GAB2: variants seen among roughly 807,000 people sequenced by gnomAD.
GAB2 encodes the protein GRB2-associated-binding protein 2.
In GAB2, 26 loss-of-function variants were observed where a neutral mutation model predicts 65.5. The observed-to-expected ratio is 0.40, with a 90% confidence interval of 0.29 to 0.55. The LOEUF (loss-of-function observed/expected upper bound fraction) is 0.55. Among genes scored for constraint, GAB2 ranks in the 20% least tolerant of loss-of-function variants. The probability of loss-of-function intolerance (pLI) is 0.53; values close to 1 mark genes in which losing one functional copy is unlikely to be tolerated. For synonymous variants in GAB2, 321 were observed against 329.6 expected (o/e 0.97, Z 0.28); for missense variants, 884 against 875.8 (o/e 1.01, Z -0.12).
chr11:78,253,098 C>T (rs749335382), intron 2 of GAB2, among the ~76,000 whole-genome samples: 21 of 145,282 alleles, frequency 1.4e-4, no homozygotes, highest in Non-Finnish European at 2.7e-4. Flanking sequence ...ACAACCTCTG[C>T]TTCCTGGGTT....
chr11:78,324,218 T>C (rs1855783004), intron 1 of GAB2, among the ~76,000 whole-genome samples: 2 of 152,308 alleles, frequency 1.3e-5, no homozygotes, highest in African/African-American at 2.4e-5. Context: ...GTATATCATA[T>C]TCTGGCTGAT....
At chr11:78,353,158 G>A (rs1342925159) in intron 1 of GAB2, among the ~76,000 whole-genome samples, 5 of 152,070 alleles carry the variant, frequency 3.3e-5, no homozygotes, top group Non-Finnish European at 7.4e-5. Flanking sequence ...CTGGGAATGG[G>A]AGCCAGGAGT....
chr11:78,404,999 A>G (rs546326377), intron 1 of GAB2, among the ~76,000 whole-genome samples: 2 of 152,292 alleles, frequency 1.3e-5, no homozygotes, highest in African/African-American at 4.8e-5. Flanking sequence ...ACATCTCCAT[A>G]AATATTTACA....
At chr11:78,225,283 C>T in intron 4 of GAB2, 81 bp from the exon 5 acceptor site, 1 of 879,482 alleles carries the variant, frequency 1.1e-6, no homozygotes, top group East Asian at 2.4e-5. Context: ...CAGTGTGGTT[C>T]AAGGTCTTAC....
intron 1 of GAB2, among the ~76,000 whole-genome samples, chr11:78,411,032 C>T (rs868859613): frequency 4.6e-5 from 7 of 151,766 alleles, no homozygotes; most frequent in Admixed American, 2.6e-4. Context: ...ACGCAGCTGT[C>T]GTCCCAATTA....
chr11:78,222,397 T>G (rs1316464382), intron 6 of GAB2, among the ~76,000 whole-genome samples: 1 of 152,084 alleles, frequency 6.6e-6, no homozygotes, highest in African/African-American at 2.4e-5. Flanking sequence ...TTCCAAATTA[T>G]ATATTCTTTC....
chr11:78,307,220 A>T (rs1855382066), intron 1 of GAB2, among the ~76,000 whole-genome samples: 2 of 152,068 alleles, frequency 1.3e-5, no homozygotes, highest in African/African-American at 4.8e-5. Flanking sequence ...AACCTCTACA[A>T]CCTCATGTGC....
chr11:78,417,602 G>T, intron 1 of GAB2, 44 bp downstream of exon 1: 1 of 1,054,100 alleles, frequency 9.5e-7, no homozygotes. Flanking sequence ...CGCAGGCCCC[G>T]GAGCGCCCCC....
chr11:78,219,548 C>T lies in GAB2; in HGVS notation c.1888-133G>A, dbSNP rs1864313998. 6.6e-6 allele frequency: 5 copies of T among 757,730 alleles called. 1 individual carries two copies. The South Asian group carries it at 8.5e-5, about 13-fold the overall frequency. 46.9% of individuals were successfully genotyped at this position (757,730 alleles called of 1,614,324 possible). On this transcript the variant is annotated intron_variant, in intron 9 of 9. Coordinates refer to ENST00000361507, the MANE Select transcript of GAB2 (RefSeq NM_080491.3). ...ATGGCCTCTGCCTGCCACTGACCAG[C>T]CTCAGGAGCCTGGCTTCTCTTTCTG...
At chr11:78,253,244 T>G (rs56003293) in intron 2 of GAB2, among the ~76,000 whole-genome samples, 13,982 of 152,122 alleles carry the variant, frequency 0.092, 869 homozygotes, top group Middle Eastern at 0.16. Context: ...CACCACTGCC[T>G]CAGCCTCTCA....
chr11:78,285,933 A>G (rs1159014550), intron 1 of GAB2, among the ~76,000 whole-genome samples: 2 of 152,230 alleles, frequency 1.3e-5, no homozygotes, highest in Non-Finnish European at 2.9e-5. Context: ...AGTTTTTACA[A>G]CAATCATGAG....
intron 1 of GAB2, among the ~76,000 whole-genome samples, chr11:78,408,561 A>G (rs1346612961): frequency 6.6e-6 from 1 of 152,244 alleles, no homozygotes; most frequent in Non-Finnish European, 1.5e-5. Context: ...GTAAATTTAA[A>G]TATACCAATT....
At chr11:78,260,992 T>C (rs928149476) in intron 2 of GAB2, among the ~76,000 whole-genome samples, 1 of 152,130 alleles carries the variant, frequency 6.6e-6, no homozygotes, top group Non-Finnish European at 1.5e-5. Flanking sequence ...GGAGGATCAC[T>C]TGAGCTCAGG....
chr11:78,348,963 T>C (rs1856232395), intron 1 of GAB2, among the ~76,000 whole-genome samples: 1 of 152,180 alleles, frequency 6.6e-6, no homozygotes, highest in East Asian at 1.9e-4. Flanking sequence ...TGTACTCCTA[T>C]AAAATGCAAA....
chr11:78,321,049 C>G (rs1464820164), intron 1 of GAB2, among the ~76,000 whole-genome samples: 1 of 152,178 alleles, frequency 6.6e-6, no homozygotes, highest in African/African-American at 2.4e-5. Context: ...CTTGAGCCAA[C>G]TATGACATCT....
intron 1 of GAB2, among the ~76,000 whole-genome samples, chr11:78,284,611 A>G (rs1295091411): frequency 6.6e-6 from 1 of 152,002 alleles, no homozygotes; most frequent in Admixed American, 6.6e-5. Flanking sequence ...AGATATTTCC[A>G]TTGCTTAATC....
intron 1 of GAB2, among the ~76,000 whole-genome samples, chr11:78,348,390 TAAG>T (rs937591365): frequency 7.9e-5 from 12 of 152,176 alleles, no homozygotes; most frequent in Non-Finnish European, 1.5e-4. Context: ...TACAACTCAG[TAAG>T]AAGATAAATG....
chr11:78,385,994 AT>A (rs1856761040), intron 1 of GAB2, among the ~76,000 whole-genome samples: 1 of 152,174 alleles, frequency 6.6e-6, no homozygotes, highest in Admixed American at 6.5e-5. Context: ...ATCTATACGT[AT>A]GTATCTGGTT....
intron 3 of GAB2, among the ~76,000 whole-genome samples, chr11:78,236,007 T>C (rs1440470657): frequency 1.3e-5 from 2 of 152,188 alleles, no homozygotes; most frequent in Admixed American, 6.5e-5. Flanking sequence ...TTTATTTGGA[T>C]TGTGTTGAAT....
Sources: gnomAD v4.1 joint callset for allele counts (sites outside exome capture counted in the v4.1 genomes callset) on GRCh38, gnomAD v4.1.1 for gene constraint, MANE v1.5 for transcripts, NCBI Gene and HGNC (gene_info 2026-07-23, HGNC 2026-07-21) for gene names.